The following PAX6 variants were observed in gnomAD, a reference collection of about 807,000 sequenced individuals.
The protein encoded by PAX6 is paired box protein Pax-6.
PAX6 carries 7 observed loss-of-function variants against 60.7 expected under a neutral mutation model. The observed-to-expected ratio is 0.12, with a 90% CI of 0.07 to 0.22. The LOEUF (loss-of-function observed/expected upper bound fraction) is 0.22. Ranked by LOEUF, PAX6 falls within the 10% of genes least tolerant of loss-of-function variation. The pLI is 1.00. For synonymous variants in PAX6, 208 were observed against 201.2 expected (o/e 1.03, Z -0.29); for missense variants, 355 against 555.2 (o/e 0.64, Z 3.62).
rs1000910205 is a variant in PAX6, at chr11:31,793,155, C to T, written c.1074+283G>A. On this transcript the variant is annotated intron_variant, in intron 12 of 13. Transcript: ENST00000640368. ...AGGCTCCCTGGTACCCAAAACATGC[C>T]CCACCACCACCCAACATTATCAAGG... 1.1e-5 allele frequency: 7 copies of T among 621,824 alleles called. No individual in the cohort carries two copies. In the Admixed American group the frequency reaches 1.7e-4, roughly 15 times the overall value. The allele number at this position is 621,824 out of a possible 1,614,324, so 38.5% of individuals were successfully genotyped here.
chr11:31,802,755 T>A lies in PAX6; in HGVS notation c.90A>T (p.Val30=), dbSNP rs747019294. 6.2e-7 allele frequency: 1 copy of A among 1,614,038 alleles called. No individual in the cohort carries two copies. ...GCCGGGCCCCGCTGTGAGCTAGCTCTACAATCTTCTGCCGGGTGGAGTCCG... is the reference window on the plus strand; with the variant it reads ...GCCGGGCCCCGCTGTGAGCTAGCTCAACAATCTTCTGCCGGGTGGAGTCCG... The part of the protein sequence containing the change: ...PLPDSTRQKI[V]ELAHSGARPC... Residue 30 remains valine, a synonymous_variant, in exon 5 of 14, where the codon GTA becomes GTT. Coordinates refer to ENST00000640368, the MANE Select transcript of PAX6 (RefSeq NM_001368894.2).
At chr11:31,792,314 C>G (rs1288922167) in intron 12 of PAX6, 2 of 152,228 alleles carry the variant, frequency 1.3e-5, no homozygotes, top group Non-Finnish European at 2.9e-5. Flanking sequence ...TAATTTACAT[C>G]AATTGCACTA....
intron 8 of PAX6, among the ~76,000 whole-genome samples, chr11:31,797,809 A>G (rs1383467889): frequency 6.6e-6 from 1 of 152,176 alleles, no homozygotes; most frequent in Non-Finnish European, 1.5e-5. Context: ...GTGGTGGACA[A>G]TTAAGATATC....
At position 31,793,042 on chromosome 11, in the gene PAX6, C is replaced by T. The variant is rs531339136; in HGVS notation, c.1074+396G>A. On this transcript the variant is annotated intron_variant, in intron 12 of 13. Transcript: ENST00000640368. ...ATGCGTGCACAGATTCTATATTTAG[C>T]ATACAAACACATTAATATAAACCCA... The T allele has an allele frequency of 5.2e-6, 3 of 574,274 alleles. No homozygotes were observed. In the South Asian group the frequency reaches 6.3e-5, roughly 12 times the overall value. 35.6% of individuals were successfully genotyped at this position (574,274 alleles called of 1,614,324 possible).
chr11:31,817,384 TCCAGGCGCGGGTACGGACTTTC>T (rs1221527296), intron 1 of PAX6, among the ~76,000 whole-genome samples: 1 of 152,220 alleles, frequency 6.6e-6, no homozygotes. Flanking sequence ...CTTTAAGCGC[TCCAGGCGCGGGTACGGACTTTC>T]CCAAGCGTGG....
chr11:31,804,977 C>T (rs931789913), intron 4 of PAX6: 1 of 152,316 alleles, frequency 6.6e-6, no homozygotes, highest in African/African-American at 2.4e-5. Context: ...GGTTAAGCCT[C>T]AATCATTGTG....
chr11:31,790,093 T>C, intron 13 of PAX6, 74 bp from the exon 14 acceptor site: 1 of 236,718 alleles, frequency 4.2e-6, no homozygotes, highest in Non-Finnish European at 7.0e-6. Flanking sequence ...AATTTATAGG[T>C]TTACAAAAAA....
Position 31,790,713 on chromosome 11 carries a change from T to C in PAX6, c.1222A>G (p.Thr408Ala). 6.2e-7 allele frequency: 1 copy of C among 1,614,052 alleles called. No individual in the cohort carries two copies. The highest frequency in any genetic ancestry group is 8.5e-7 in the Non-Finnish European group (1 of 1,180,020). Residue 408 changes from threonine to alanine, a missense_variant, in exon 13 of 14, where the codon ACA (threonine) becomes GCA (alanine). By Grantham distance (58) the Thr-to-Ala change is moderately conservative. Around this residue, in one of 5 missense-constraint regions of PAX6, gnomAD observed 149 missense variants for 191.9 expected, o/e 0.78. Transcript: ENST00000640368. ...QPMGTSGTTSTGLISPGVSVP... is the reference protein window; with the variant it reads ...QPMGTSGTTSAGLISPGVSVP... ...CCTGCAGAAAGCAGTGGCTCACCTG[T>C]TGAAGTGGTGCCCGAGGTGCCCATT...
chr11:31,807,879 C>G (rs1202883411), intron 2 of PAX6: 4 of 151,734 alleles, frequency 2.6e-5, no homozygotes, highest in Admixed American at 6.6e-5. Context: ...AGGCTGCTCC[C>G]GTACGAACAC....
In PAX6 at chr11:31,802,369, A is replaced by G. The variant is rs189840050; in HGVS notation, c.141+335T>C. The G allele has an allele frequency of 1.5e-5, 5 of 340,320 alleles. No individual in the cohort carries two copies. The Admixed American group carries it at 1.8e-4, about 13-fold the overall frequency. 21.1% of individuals were successfully genotyped at this position (340,320 alleles called of 1,614,324 possible). A position where few individuals can be genotyped will look rare whatever the true frequency, so the allele number is the denominator to read the frequency against. Reference sequence around the variant, plus strand: ...GCAGAATGAAATTATGCCGGTTTATATAACTCAGCTTATTACGGTTCATAA... The same window carrying G: ...GCAGAATGAAATTATGCCGGTTTATGTAACTCAGCTTATTACGGTTCATAA... On this transcript the variant is annotated intron_variant, in intron 5 of 13. Coordinates refer to ENST00000640368, the MANE Select transcript of PAX6 (RefSeq NM_001368894.2).
At position 31,801,793 on chromosome 11, in the gene PAX6, G is replaced by A; in HGVS notation, c.184-17C>T. On this transcript the variant is annotated splice_polypyrimidine_tract_variant and intron_variant, in intron 6 of 13. Coordinates refer to ENST00000640368, the MANE Select transcript of PAX6 (RefSeq NM_001368894.2). ...GTTGGACACCTGCATAGGGGAAGTGGACAGAAAACCACATTATTAATAATT... is the reference window on the plus strand; with the variant it reads ...GTTGGACACCTGCATAGGGGAAGTGAACAGAAAACCACATTATTAATAATT... 6.2e-7 allele frequency: 1 copy of A among 1,614,162 alleles called. No homozygotes were observed. The highest frequency in any genetic ancestry group is 8.5e-7 in the Non-Finnish European group (1 of 1,180,024).
upstream of PAX6, chr11:31,811,994 C>G (rs2071164): frequency 0.18 from 27,021 of 152,540 alleles, 2,576 homozygotes; most frequent in East Asian, 0.3. Flanking sequence ...CCGCTCTCCC[C>G]GCCCTTTCTT....
Position 31,789,959 on chromosome 11 carries a change from G to C in PAX6, c.1286C>G (p.Ser429Cys), listed in dbSNP as rs781399901. 2.1e-6 allele frequency: 3 copies of C among 1,428,398 alleles called. No individual in the cohort carries two copies. Among genetic ancestry groups the C allele is most frequent in the Admixed American group, 1.9e-5 (1 of 53,200 alleles). The allele number at this position is 1,428,398 out of a possible 1,614,324, so 88.5% of individuals were successfully genotyped here. A position where few individuals can be genotyped will look rare whatever the true frequency, so the allele number is the denominator to read the frequency against. The change falls in exon 14 of 14, where the codon TCT (serine) becomes TGT (cysteine). Residue 429 changes from serine (S) to cysteine (C), a missense_variant. Physicochemically the swap from Ser to Cys is moderately radical, Grantham distance 112. Transcript: ENST00000640368. The part of the protein sequence containing the change: ...VQVPGSEPDM[S>C]QYWPRLQ ...TTACTGTAATCTTGGCCAGTATTGAGACATATCAGGTTCACTTCCGGGAAC... is the reference window on the plus strand; with the variant it reads ...TTACTGTAATCTTGGCCAGTATTGACACATATCAGGTTCACTTCCGGGAAC...
Position 31,789,576 on chromosome 11 carries a change from T to TA in PAX6, c.*357_*358insT. 24 of 606,398 alleles carry TA rather than the reference T, an allele frequency of 4.0e-5. No homozygotes were observed. The highest frequency in any genetic ancestry group is 1.0e-4 in the South Asian group (5 of 48,566). 37.6% of individuals were successfully genotyped at this position (606,398 alleles called of 1,614,324 possible). ...AAGCTTGTTGATCATGGTTTTCTTT[T>TA]TAAAAAAAAAAAAAACAACTTCATG... On this transcript the variant is annotated 3_prime_UTR_variant, in exon 14 of 14. Transcript: ENST00000640368.
At chr11:31,812,233 G>C (rs1359587675), upstream of PAX6, 1 of 152,736 alleles carries the variant, frequency 6.5e-6, no homozygotes, top group Non-Finnish European at 1.5e-5. Context: ...GGAGATAAGA[G>C]GGGAGGGGGA....
upstream of PAX6, among the ~76,000 whole-genome samples, chr11:31,813,920 A>C (rs60171845): frequency 0.2 from 29,640 of 151,892 alleles, 2,985 homozygotes; most frequent in East Asian, 0.3. Flanking sequence ...CTGGGGGCGA[A>C]GCGGCCTAGG....
intron 1 of PAX6, among the ~76,000 whole-genome samples, chr11:31,817,300 T>C (rs1467122383): frequency 1.3e-5 from 2 of 152,276 alleles, no homozygotes; most frequent in Admixed American, 6.5e-5. Context: ...CTAGACTTTG[T>C]TGCGGTCCAG....
Position 31,789,512 on chromosome 11 carries a change from T to C in PAX6, c.*422A>G, listed in dbSNP as rs1188105796. ...TAAACTATGAACAGATGGGTAGAAG[T>C]ATTCGATATATCTTGATAAAACTCT... is the stretch of plus-strand genomic sequence containing the variant. On this transcript the variant is annotated 3_prime_UTR_variant, in exon 14 of 14. Coordinates refer to ENST00000640368, the MANE Select transcript of PAX6 (RefSeq NM_001368894.2). The C allele has an allele frequency of 5.1e-6, 3 of 588,870 alleles. No individual in the cohort carries two copies. The highest frequency in any genetic ancestry group is 1.9e-5 in the African/African-American group (1 of 53,356). 36.5% of individuals were successfully genotyped at this position (588,870 alleles called of 1,614,324 possible).
At position 31,801,876 on chromosome 11, in the gene PAX6, G is replaced by C; in HGVS notation, c.178C>G (p.Gln60Glu). 6.2e-7 allele frequency: 1 copy of C among 1,614,042 alleles called. No individual in the cohort carries two copies. The highest frequency in any genetic ancestry group is 8.5e-7 in the Non-Finnish European group (1 of 1,179,938). ...ADAKVQVLDN[Q>E]NVSNGCVSKI... ...TTAAACAATGACAAGCTTACGTTTT[G>C]ATTGTCCAGCACTTGGACTTTTGCA... Residue 60 changes from glutamine to glutamate, a missense_variant, in exon 6 of 14, where the codon CAA becomes GAA. Coordinates refer to ENST00000640368, the MANE Select transcript of PAX6 (RefSeq NM_001368894.2).
Sources: allele counts gnomAD v4.1 joint callset (sites outside exome capture counted in the v4.1 genomes callset), GRCh38; gene constraint gnomAD v4.1.1; regional missense constraint gnomAD v4.1.1; transcripts MANE v1.5; gene names NCBI Gene and HGNC (gene_info 2026-07-23, HGNC 2026-07-21).